EXOC2: variants seen among roughly 807,000 people sequenced by gnomAD.
EXOC2 encodes the protein SEC5-like 1.
In EXOC2, 70 loss-of-function variants were observed where a neutral mutation model predicts 131.8. The observed-to-expected ratio is 0.53, with a 90% CI of 0.44 to 0.65. EXOC2 has a LOEUF of 0.65. Among genes scored for constraint, EXOC2 ranks in the 30% least tolerant of loss-of-function variants. EXOC2 has a pLI of 0.00. For synonymous variants in EXOC2, 411 were observed against 398.4 expected (o/e 1.03, Z -0.38); for missense variants, 923 against 1,108.6 (o/e 0.83, Z 2.38).
At chr6:503,689 G>T (rs963362869) in intron 23 of EXOC2, among the ~76,000 whole-genome samples, 1 of 152,118 alleles carries the variant, frequency 6.6e-6, no homozygotes, top group African/African-American at 2.4e-5. Context: ...AATAGTACTG[G>T]ATAGGAACAG....
intron 4 of EXOC2, among the ~76,000 whole-genome samples, chr6:628,127 AT>A (rs907098101): frequency 6.6e-6 from 1 of 152,184 alleles, no homozygotes; most frequent in Non-Finnish European, 1.5e-5. Context: ...GATTCCTCGC[AT>A]CGACCCTAAG....
intron 2 of EXOC2, among the ~76,000 whole-genome samples, chr6:634,840 G>A (rs1396035190): frequency 6.6e-6 from 1 of 151,464 alleles, no homozygotes; most frequent in Non-Finnish European, 1.5e-5. Context: ...AATAATTTTT[G>A]TTATGAAAAA....
chr6:683,293 T>C (rs575126075), intron 1 of EXOC2, among the ~76,000 whole-genome samples: 3 of 152,354 alleles, frequency 2.0e-5, no homozygotes, highest in African/African-American at 7.2e-5. Context: ...AGTCTACATA[T>C]GTTTATTCAA....
At chr6:661,475 G>C (rs140893502) in intron 1 of EXOC2, among the ~76,000 whole-genome samples, 1 of 152,164 alleles carries the variant, frequency 6.6e-6, no homozygotes, top group African/African-American at 2.4e-5. Flanking sequence ...GCTAGAAGGG[G>C]TTGAGGCCCT....
chr6:526,169 A>C (rs1765723493), intron 23 of EXOC2, among the ~76,000 whole-genome samples: 1 of 152,216 alleles, frequency 6.6e-6, no homozygotes, highest in South Asian at 2.1e-4. Context: ...ATGTGTATAG[A>C]TGGGCCAATT....
chr6:656,047 G>A (rs1208371310), intron 1 of EXOC2: 1 of 1,236,864 alleles, frequency 8.1e-7, no homozygotes, highest in African/African-American at 1.5e-5. Context: ...ATTAACTCAG[G>A]GTCTGTTTTA....
intron 21 of EXOC2, among the ~76,000 whole-genome samples, chr6:553,006 C>G (rs527452934): frequency 6.6e-6 from 1 of 152,270 alleles, no homozygotes; most frequent in African/African-American, 2.4e-5. Context: ...CAAGCTTCTC[C>G]TCTTGGGCTG....
intron 4 of EXOC2, among the ~76,000 whole-genome samples, chr6:627,614 T>C (rs1258045703): frequency 6.6e-6 from 1 of 152,198 alleles, no homozygotes; most frequent in Admixed American, 6.5e-5. Flanking sequence ...AGGATACCAC[T>C]GGCTCCTCCG....
chr6:661,071 T>C (rs1404288098), intron 1 of EXOC2, among the ~76,000 whole-genome samples: 1 of 152,152 alleles, frequency 6.6e-6, no homozygotes, highest in Non-Finnish European at 1.5e-5. Context: ...CTCGAAGGTC[T>C]ACAAATTAAC....
At chr6:631,830 A>G (rs1014276061) in intron 3 of EXOC2, among the ~76,000 whole-genome samples, 11 of 152,198 alleles carry the variant, frequency 7.2e-5, no homozygotes, top group African/African-American at 9.7e-5. Context: ...ATGCACGTAC[A>G]TGTACATATA....
At chr6:527,166 C>T (rs1176552163) in intron 23 of EXOC2, among the ~76,000 whole-genome samples, 1 of 152,226 alleles carries the variant, frequency 6.6e-6, no homozygotes. Context: ...CAGAGAGCTA[C>T]ATTAAACTTT....
intron 27 of EXOC2, 88 bp downstream of exon 27, chr6:488,891 C>T (rs1256374188): frequency 2.9e-6 from 4 of 1,369,410 alleles, no homozygotes; most frequent in African/African-American, 2.9e-5. Flanking sequence ...TCCTAGAATC[C>T]AAATCATTAT....
intron 22 of EXOC2, among the ~76,000 whole-genome samples, chr6:546,249 C>T (rs1274237338): frequency 6.6e-6 from 1 of 151,920 alleles, no homozygotes; most frequent in Non-Finnish European, 1.5e-5. Flanking sequence ...CTAAATGGTA[C>T]AGGCAATACT....
chr6:576,750 T>C lies in EXOC2; in HGVS notation c.1318+7A>G. ...AAGACCCAGTGGCAGTGGAGGGAGA[T>C]ACTTACTGTCGTCTCGACCAGACTG... On this transcript the variant is annotated splice_region_variant and intron_variant, in intron 12 of 27. Coordinates refer to ENST00000230449, the MANE Select transcript of EXOC2 (RefSeq NM_018303.6). 6.2e-7 allele frequency: 1 copy of C among 1,613,000 alleles called. No homozygotes were observed. Among genetic ancestry groups the C allele is most frequent in the Non-Finnish European group, 8.5e-7 (1 of 1,179,508 alleles).
intron 17 of EXOC2, among the ~76,000 whole-genome samples, chr6:558,550 G>A (rs1000786309): frequency 3.3e-5 from 5 of 152,196 alleles, no homozygotes; most frequent in Non-Finnish European, 1.5e-5. Flanking sequence ...GATGGCTCAC[G>A]CTCGTAATCC....
chr6:505,003 T>C (rs916704264), intron 23 of EXOC2, among the ~76,000 whole-genome samples: 2 of 152,210 alleles, frequency 1.3e-5, no homozygotes, highest in African/African-American at 4.8e-5. Context: ...CTTTCTGAAA[T>C]GCAAGGTATT....
chr6:668,472 T>C (rs1763713599), intron 1 of EXOC2, among the ~76,000 whole-genome samples: 1 of 152,224 alleles, frequency 6.6e-6, no homozygotes, highest in Admixed American at 6.5e-5. Flanking sequence ...CACTCAGCGT[T>C]AGGTCCCTCA....
chr6:502,975 G>A (rs1446782502), intron 23 of EXOC2, among the ~76,000 whole-genome samples: 2 of 152,204 alleles, frequency 1.3e-5, no homozygotes, highest in Middle Eastern at 3.2e-3. Context: ...GTTCAAAGAG[G>A]CAGCATTCAA....
At chr6:642,239 CATA>C (rs1430955781) in intron 1 of EXOC2, among the ~76,000 whole-genome samples, 6 of 152,342 alleles carry the variant, frequency 3.9e-5, no homozygotes, top group African/African-American at 1.4e-4. Context: ...ACTTCTACTA[CATA>C]ATGTTAATAT....
Sources: allele counts gnomAD v4.1 joint callset (sites outside exome capture counted in the v4.1 genomes callset), GRCh38; gene constraint gnomAD v4.1.1; transcripts MANE v1.5; gene names NCBI Gene and HGNC (gene_info 2026-07-23, HGNC 2026-07-21).